Variants in CDC42BPG observed in about 807,000 individuals in gnomAD.
The protein encoded by CDC42BPG is CDC42 binding protein kinase gamma, also known as serine/threonine-protein kinase MRCK gamma.
A neutral mutation model predicts 192.2 loss-of-function variants in CDC42BPG; 157 were observed. The observed-to-expected ratio is 0.82, with a 90% CI of 0.72 to 0.93. CDC42BPG has a LOEUF of 0.93. Ranked by LOEUF, CDC42BPG falls within the 40% of genes least tolerant of loss-of-function variation. CDC42BPG has a pLI of 0.00. For synonymous variants in CDC42BPG, 981 were observed against 918.5 expected, an observed-to-expected ratio of 1.07 and a Z score of -1.23; for missense variants, 1,992 against 2,122.1, an observed-to-expected ratio of 0.94 and a Z score of 1.20.
In CDC42BPG at chr11:64,838,911, C is replaced by A; in HGVS notation, c.877-9G>T. 1 of 1,455,456 alleles carries A rather than the reference C, an allele frequency of 6.9e-7. No homozygotes were observed. The highest frequency in any genetic ancestry group is 1.4e-5 in the South Asian group (1 of 69,478). 90.2% of individuals were successfully genotyped at this position (1,455,456 alleles called of 1,614,324 possible). ...GGGAACTGCAGGTGGTCCTGTGGGT[C>A]GGGGGAGGGGGCAGGCTGGGTCAAG... On this transcript the variant is annotated splice_polypyrimidine_tract_variant and intron_variant, in intron 7 of 36. Transcript: ENST00000342711.
chr11:64,829,162 G>A (rs1942568168), intron 30 of CDC42BPG, among the ~76,000 whole-genome samples: 1 of 152,210 alleles, frequency 6.6e-6, no homozygotes, highest in South Asian at 2.1e-4. Flanking sequence ...GGAGGTGGCA[G>A]TGAGTCGAGA....
In CDC42BPG at chr11:64,839,470, G is replaced by A; in HGVS notation, c.675+8C>T. ...TCCCCTGCTCCCACTCTGGGGCGGG[G>A]TCCTTACCATGCCGTTGGTGTTGAG... On this transcript the variant is annotated splice_region_variant and intron_variant, in intron 6 of 36. Transcript: ENST00000342711. 1.2e-6 allele frequency: 2 copies of A among 1,612,788 alleles called. No homozygotes were observed. Among genetic ancestry groups the A allele is most frequent in the Non-Finnish European group, 8.5e-7 (1 of 1,179,752 alleles).
In CDC42BPG at chr11:64,829,805, G is replaced by A. The variant is rs1249343142; in HGVS notation, c.3633C>T (p.Gly1211=). 4.4e-6 allele frequency: 7 copies of A among 1,604,162 alleles called. No individual in the cohort carries two copies. In the Admixed American group the frequency reaches 6.9e-5, roughly 16 times the overall value. ...GGATGCGGCGCTGCCAGGGCCCAGG[G>A]CCCGGGCCCAGCTGGTAGCAGAGCA... ...RQVLCYQLGP[G]PGPWQRRIRE... The change falls in exon 30 of 37, where the codon GGC becomes GGT. Residue 1211 remains glycine (G), a synonymous_variant. Coordinates refer to ENST00000342711, the MANE Select transcript of CDC42BPG (RefSeq NM_017525.3).
At position 64,829,597 on chromosome 11, in the gene CDC42BPG, C is replaced by G. The variant is rs776809839; in HGVS notation, c.3841G>C (p.Gly1281Arg). 4.0e-5 allele frequency: 64 copies of G among 1,612,096 alleles called. No individual in the cohort carries two copies. Among genetic ancestry groups the G allele is most frequent in the Non-Finnish European group, 5.2e-5 (61 of 1,179,614 alleles). The change falls in exon 30 of 37, where the codon GGT becomes CGT. Residue 1281 changes from glycine to arginine, a missense_variant. Gly to Arg is a moderately radical substitution (Grantham distance 125). Coordinates refer to ENST00000342711, the MANE Select transcript of CDC42BPG (RefSeq NM_017525.3). ...TCGCTGAGGCTAAGCTCCACGGCAC[C>G]CAGTGCCTCACCCAGGCCCCCGCGG... ...PSRGGLGEAL[G>R]AVELSLSEFL...
chr11:64,839,654 C>T (rs1943190767), intron 5 of CDC42BPG, 83 bp from the exon 6 acceptor site: 18 of 1,110,578 alleles, frequency 1.6e-5, no homozygotes, highest in East Asian at 1.3e-4. Flanking sequence ...TGCACATGCA[C>T]GGTGTGTGCC....
At position 64,831,661 on chromosome 11, in the gene CDC42BPG, T is replaced by G. The variant is rs1942698490; in HGVS notation, c.3148A>C (p.Ser1050Arg). Residue 1050 changes from serine to arginine, a missense_variant, in exon 28 of 37, where the codon AGC becomes CGC. Ser to Arg is a moderately radical substitution (Grantham distance 110). Coordinates refer to ENST00000342711, the MANE Select transcript of CDC42BPG (RefSeq NM_017525.3). ...AGCCAGCGTTCCCGCTCCCCCTCGC[T>G]CTCTGCCAGCAGCAGCACAGTGCAC... is the stretch of plus-strand genomic sequence containing the variant. ...TTCTVLLLAE[S>R]EGERERWLQV... is the part of the protein sequence containing the mutation. 1.2e-6 allele frequency: 2 copies of G among 1,609,950 alleles called. No individual in the cohort carries two copies. The highest frequency in any genetic ancestry group is 1.7e-6 in the Non-Finnish European group (2 of 1,179,692).
chr11:64,839,361 C>G, intron 6 of CDC42BPG, 117 bp downstream of exon 6: 2 of 1,493,970 alleles, frequency 1.3e-6, no homozygotes, highest in Non-Finnish European at 1.8e-6. Context: ...GGGCCTGGGT[C>G]TCACCCACCT....
intron 5 of CDC42BPG, 89 bp from the exon 6 acceptor site, chr11:64,839,660 G>A: frequency 3.8e-6 from 4 of 1,056,256 alleles, no homozygotes; most frequent in Middle Eastern, 2.0e-4. Flanking sequence ...TGCACGGTGT[G>A]TGCCAGCACC....
rs775517806 is a variant in CDC42BPG at position 64,827,343 on chromosome 11, G to A, written c.4206C>T (p.Phe1402=). Residue 1402 remains phenylalanine, a synonymous_variant, in exon 33 of 37, where the codon TTC becomes TTT. Transcript: ENST00000342711. The part of the protein sequence containing the change: ...DLTDNSRRQL[F]RTKSKRRFFF... ...AGAAGCGGCGCTTGCTCTTGGTGCG[G>A]AACAGCTGGCGCCGGCTGTTGTCGG... 1.9e-6 allele frequency: 3 copies of A among 1,613,950 alleles called. No homozygotes were observed. Among genetic ancestry groups the A allele is most frequent in the African/African-American group, 2.7e-5 (2 of 74,922 alleles).
Position 64,826,660 on chromosome 11 carries a change from G to T in CDC42BPG, c.4513+11C>A. ...GGGGTGGCACACTGGAGGCTGAGGG[G>T]CTGCCCTTACTGGGGTCTGCGTCTC... On this transcript the variant is annotated intron_variant, in intron 35 of 36. Coordinates refer to ENST00000342711, the MANE Select transcript of CDC42BPG (RefSeq NM_017525.3). 1 of 1,580,202 alleles carries T rather than the reference G, an allele frequency of 6.3e-7. No homozygotes were observed. The highest frequency in any genetic ancestry group is 8.6e-7 in the Non-Finnish European group (1 of 1,162,732).
At chr11:64,837,841 G>A (rs1943089062) in intron 9 of CDC42BPG, among the ~76,000 whole-genome samples, 1 of 152,232 alleles carries the variant, frequency 6.6e-6, no homozygotes. Flanking sequence ...CTGGCTCTAG[G>A]TGCAGCGCAC....
At chr11:64,825,013 T>G (rs1592677333) in intron 36 of CDC42BPG, among the ~76,000 whole-genome samples, 1 of 151,950 alleles carries the variant, frequency 6.6e-6, no homozygotes, top group Non-Finnish European at 1.5e-5. Context: ...GCCTCCCAGG[T>G]TCAAGTGATT....
At position 64,824,219 on chromosome 11, in the gene CDC42BPG, A is replaced by G. The variant is rs994481113; in HGVS notation, c.*254T>C. 4 of 563,312 alleles carry G rather than the reference A, an allele frequency of 7.1e-6. No individual in the cohort carries two copies. The highest frequency in any genetic ancestry group is 3.8e-5 in the African/African-American group (2 of 52,674). The allele number at this position is 563,312 out of a possible 1,614,324, so 34.9% of individuals were successfully genotyped here. A position where few individuals can be genotyped will look rare whatever the true frequency, so the allele number is the denominator to read the frequency against. On this transcript the variant is annotated 3_prime_UTR_variant, in exon 37 of 37. Transcript: ENST00000342711. ...CACAATCACCCCTGGACACCAGAAC[A>G]AAAGGGGCCATTCTATTCCCAATGG... is the stretch of plus-strand genomic sequence containing the variant.
intron 27 of CDC42BPG, 87 bp downstream of exon 27, chr11:64,832,341 G>A: frequency 7.4e-7 from 1 of 1,351,678 alleles, no homozygotes; most frequent in East Asian, 2.4e-5. Context: ...GCCCAAGAGG[G>A]CAGTATGAAG....
Position 64,835,027 on chromosome 11 carries a change from G to GCC in CDC42BPG, c.2060+19_2060+20insGG. 1.9e-6 allele frequency: 1 copy of GCC among 526,706 alleles called. No individual in the cohort carries two copies. Among genetic ancestry groups the GCC allele is most frequent in the Non-Finnish European group, 3.4e-6 (1 of 298,414 alleles). The allele number at this position is 526,706 out of a possible 1,614,324, so 32.6% of individuals were successfully genotyped here. ...CAGTCTCGCCTGCGTTCCCCACCCCGACCCACCCCTGGCACCCACCAGCTG... is the reference window on the plus strand; with the variant it reads ...CAGTCTCGCCTGCGTTCCCCACCCCGCCACCCACCCCTGGCACCCACCAGCTG... On this transcript the variant is annotated intron_variant, in intron 17 of 36. Coordinates refer to ENST00000342711, the MANE Select transcript of CDC42BPG (RefSeq NM_017525.3).
intron 1 of CDC42BPG, among the ~76,000 whole-genome samples, chr11:64,843,380 C>T (rs988021857): frequency 6.6e-6 from 1 of 152,062 alleles, no homozygotes; most frequent in African/African-American, 2.4e-5. Flanking sequence ...AGGCATAGCA[C>T]GGAGGCATAC....
At chr11:64,827,428 C>T (rs1942483286) in intron 32 of CDC42BPG, 30 bp from the exon 33 acceptor site, 2 of 1,607,696 alleles carry the variant, frequency 1.2e-6, no homozygotes, top group Non-Finnish European at 1.7e-6. Context: ...CTGGGCTGTG[C>T]TCACACATTC....
Position 64,829,608 on chromosome 11 carries a change from C to T in CDC42BPG, c.3830G>A (p.Gly1277Asp), listed in dbSNP as rs571011118. The T allele has an allele frequency of 1.9e-6, 3 of 1,611,914 alleles. No individual in the cohort carries two copies. The Admixed American group carries it at 5.0e-5, about 27-fold the overall frequency. Residue 1277 changes from glycine (G) to aspartate (D), a missense_variant, in exon 30 of 37, where the codon GGT becomes GAT. Coordinates refer to ENST00000342711, the MANE Select transcript of CDC42BPG (RefSeq NM_017525.3). The stretch of plus-strand genomic sequence containing the variant: ...AAGCTCCACGGCACCCAGTGCCTCA[C>T]CCAGGCCCCCGCGGGATGGTGGCAG... ...EELPPSRGGL[G>D]EALGAVELSL...
intron 3 of CDC42BPG, 89 bp downstream of exon 3, chr11:64,841,561 G>T: frequency 2.1e-6 from 2 of 935,728 alleles, no homozygotes; most frequent in South Asian, 1.6e-5. Context: ...AGCCTTGCCC[G>T]CCCCCCCCGC....
Sources: allele counts gnomAD v4.1 joint callset (sites outside exome capture counted in the v4.1 genomes callset), GRCh38; gene constraint gnomAD v4.1.1; transcripts MANE v1.5; gene names NCBI Gene and HGNC (gene_info 2026-07-23, HGNC 2026-07-21).